The following ESRRB variants were observed in gnomAD, a reference collection of about 807,000 sequenced individuals.
The protein encoded by ESRRB is estrogen related receptor beta.
In ESRRB, 16 loss-of-function variants were observed where a neutral mutation model predicts 46.0. The observed-to-expected ratio is 0.35, with a 90% CI of 0.24 to 0.53. ESRRB has a LOEUF of 0.53. Among genes scored for constraint, ESRRB ranks in the 20% least tolerant of loss-of-function variants. The pLI is 0.93. For synonymous variants in ESRRB, 246 were observed against 259.6 expected (o/e 0.95, Z 0.50); for missense variants, 488 against 607.4 (o/e 0.80, Z 2.07).
chr14:76,431,525 G>A (rs1427835873), intron 1 of ESRRB, among the ~76,000 whole-genome samples: 4 of 152,168 alleles, frequency 2.6e-5, no homozygotes, highest in African/African-American at 9.7e-5. Context: ...GTGTCCCCTG[G>A]GGATCAGGCT....
At chr14:76,440,187 G>A (rs1488642233) in intron 2 of ESRRB, among the ~76,000 whole-genome samples, 2 of 152,154 alleles carry the variant, frequency 1.3e-5, no homozygotes, top group African/African-American at 4.8e-5. Context: ...CAAGTAAAAC[G>A]CCAGATGTGG....
chr14:76,401,272 G>A (rs560364128), intron 1 of ESRRB, among the ~76,000 whole-genome samples: 3 of 152,332 alleles, frequency 2.0e-5, no homozygotes, highest in East Asian at 1.9e-4. Context: ...AAGAGACCAT[G>A]ATGAATGGGG....
intron 1 of ESRRB, among the ~76,000 whole-genome samples, chr14:76,423,364 G>A (rs1887056917): frequency 6.6e-6 from 1 of 152,002 alleles, no homozygotes; most frequent in African/African-American, 2.4e-5. Context: ...GGCTGGTCTC[G>A]AACTTCTGAC....
At chr14:76,439,843 T>C in intron 2 of ESRRB, 93 bp downstream of exon 2, 2 of 1,394,422 alleles carry the variant, frequency 1.4e-6, no homozygotes, top group African/African-American at 1.4e-5. Context: ...TCCCAGAGAC[T>C]GCCAATTCTG....
At chr14:76,317,308 C>CTGTGTG (rs1491426391) in intron 1 of ESRRB, among the ~76,000 whole-genome samples, 9 of 125,148 alleles carry the variant, frequency 7.2e-5, no homozygotes, top group African/African-American at 2.9e-4. Context: ...GCTGATTAGG[C>CTGTGTG]TCTGTGTGTG....
chr14:76,439,806 T>C lies in ESRRB; in HGVS notation c.460+56T>C, dbSNP rs45507197. ...CAGGGTTGGGGGTGGCAGCCGTGCC[T>C]GCGGGTCTGGCAGAAGCCCTAGGAA... On this transcript the variant is annotated intron_variant, in intron 2 of 6. Transcript: ENST00000644823. 0.055 allele frequency: 86,525 copies of C among 1,583,118 alleles called. 3,544 individuals carry two copies. Among genetic ancestry groups the C allele is most frequent in the African/African-American group, 0.18 (13,554 of 74,328 alleles).
chr14:76,318,252 G>C (rs1883825373), intron 1 of ESRRB, among the ~76,000 whole-genome samples: 1 of 152,168 alleles, frequency 6.6e-6, no homozygotes, highest in African/African-American at 2.4e-5. Flanking sequence ...AGCAGAGTTG[G>C]AAGCGAGGAG....
chr14:76,437,181 G>A (rs1334503664), intron 1 of ESRRB, among the ~76,000 whole-genome samples: 6 of 152,046 alleles, frequency 3.9e-5, no homozygotes, highest in Non-Finnish European at 5.9e-5. Flanking sequence ...ACAGGCCGGC[G>A]CCACCATGCC....
Position 76,499,766 on chromosome 14 carries a change from G to A in ESRRB, c.*1308G>A. 9.5e-7 allele frequency: 1 copy of A among 1,057,194 alleles called. No homozygotes were observed. Among genetic ancestry groups the A allele is most frequent in the Non-Finnish European group, 1.5e-6 (1 of 673,946 alleles). 65.5% of individuals were successfully genotyped at this position (1,057,194 alleles called of 1,614,324 possible). Reference sequence around the variant, plus strand: ...TATCCCAGGAAACTCCTCTACCCCAGGCACACGGGGACAGTGGGTCACTCT... The same window carrying A: ...TATCCCAGGAAACTCCTCTACCCCAAGCACACGGGGACAGTGGGTCACTCT... On this transcript the variant is annotated 3_prime_UTR_variant, in exon 7 of 7. Coordinates refer to ENST00000644823, the MANE Select transcript of ESRRB (RefSeq NM_001379180.1).
intron 1 of ESRRB, among the ~76,000 whole-genome samples, chr14:76,377,768 C>T (rs1051038172): frequency 1.3e-5 from 2 of 152,010 alleles, no homozygotes; most frequent in African/African-American, 4.8e-5. Context: ...CATGGAGCAC[C>T]TCCACCACGG....
At position 76,348,810 on chromosome 14, in the gene ESRRB, A is replaced by T. The variant is rs533235004; in HGVS notation, c.2+37894A>T. Among the ~76,000 whole-genome samples the T allele has an allele frequency of 3.7e-4, 57 of 152,268 alleles. 1 individual carries two copies. In the South Asian group the frequency reaches 0.01, roughly 28 times the overall value. On this transcript the variant is annotated intron_variant, in intron 1 of 6. Coordinates refer to the ESRRB transcript ENST00000512784. ...GGGGACACTGCGCATAGTTACTGAT[A>T]TACCCCGTGTTGATGCAGGTGTTAA...
At chr14:76,404,528 A>T (rs1169139642) in intron 1 of ESRRB, 1 of 152,632 alleles carries the variant, frequency 6.6e-6, no homozygotes, top group African/African-American at 2.4e-5. Context: ...CTAATGTCCT[A>T]GAATTTACAC....
At position 76,500,098 on chromosome 14, in the gene ESRRB, T is replaced by A; in HGVS notation, c.*1640T>A. ...TTCTGCAGCTTTTCCATAGAAGCCC[T>A]GGTCCCACCTCCTTGGCTCTACCCC... On this transcript the variant is annotated 3_prime_UTR_variant, in exon 7 of 7. Coordinates refer to ENST00000644823, the MANE Select transcript of ESRRB (RefSeq NM_001379180.1). The A allele has an allele frequency of 6.5e-7, 1 of 1,527,988 alleles. No individual in the cohort carries two copies. The highest frequency in any genetic ancestry group is 8.9e-7 in the Non-Finnish European group (1 of 1,128,234). 94.7% of individuals were successfully genotyped at this position (1,527,988 alleles called of 1,614,324 possible).
Position 76,499,992 on chromosome 14 carries a change from C to A in ESRRB, c.*1534C>A, listed in dbSNP as rs754534352. On this transcript the variant is annotated 3_prime_UTR_variant, in exon 7 of 7. Transcript: ENST00000644823. ...CAACTCCCCGGGGATCCCCAATCCACGCCCTTCTAGTCCAACCCCCCTCAA... is the reference window on the plus strand; with the variant it reads ...CAACTCCCCGGGGATCCCCAATCCAAGCCCTTCTAGTCCAACCCCCCTCAA... 1 of 1,583,530 alleles carries A rather than the reference C, an allele frequency of 6.3e-7. No homozygotes were observed. Among genetic ancestry groups the A allele is most frequent in the Non-Finnish European group, 8.6e-7 (1 of 1,164,010 alleles).
chr14:76,344,933 G>C (rs1345074293), intron 1 of ESRRB, among the ~76,000 whole-genome samples: 2 of 151,960 alleles, frequency 1.3e-5, no homozygotes, highest in Non-Finnish European at 2.9e-5. Flanking sequence ...TGGCTGAGTA[G>C]TATTCCATCA....
Position 76,499,629 on chromosome 14 carries a change from T to G in ESRRB, c.*1171T>G. On this transcript the variant is annotated 3_prime_UTR_variant, in exon 7 of 7. Transcript: ENST00000644823. ...CTACCACACTTGGGCTACCAGAGGT[T>G]TGGTGTAGCTCCCCTGGGCACCGCG... is the stretch of plus-strand genomic sequence containing the variant. The G allele has an allele frequency of 5.1e-6, 3 of 583,570 alleles. No individual in the cohort carries two copies. Among genetic ancestry groups the G allele is most frequent in the Non-Finnish European group, 9.3e-6 (3 of 323,304 alleles). 36.1% of individuals were successfully genotyped at this position (583,570 alleles called of 1,614,324 possible). A position where few individuals can be genotyped will look rare whatever the true frequency, so the allele number is the denominator to read the frequency against.
chr14:76,388,216 T>C (rs1448889655), intron 1 of ESRRB, among the ~76,000 whole-genome samples: 1 of 148,984 alleles, frequency 6.7e-6, no homozygotes, highest in African/African-American at 2.5e-5. Context: ...TCTCACTCTG[T>C]GGCCCAGGCT....
In ESRRB at chr14:76,482,152, C is replaced by T. The variant is rs764034447; in HGVS notation, c.688+26C>T. On this transcript the variant is annotated intron_variant, in intron 4 of 6. Transcript: ENST00000644823. This position sits in a 1 kb window ranked among gnomAD's most constrained non-coding sequence, Gnocchi z 4.3. ...GTGAGTGTCAGGGCAGTCCCTGCCC[C>T]TTTTGCCAGCATCTGTACCTGGAAC... is the stretch of plus-strand genomic sequence containing the variant. 3.9e-6 allele frequency: 6 copies of T among 1,535,222 alleles called. No individual in the cohort carries two copies. The highest frequency in any genetic ancestry group is 1.7e-4 in the Middle Eastern group (1 of 5,930).
intron 1 of ESRRB, among the ~76,000 whole-genome samples, chr14:76,351,254 A>T (rs1884310255): frequency 6.6e-6 from 1 of 152,234 alleles, no homozygotes; most frequent in African/African-American, 2.4e-5. Context: ...TGAGTGGCTT[A>T]AAAATAAATA....
Sources: allele counts gnomAD v4.1 joint callset (sites outside exome capture counted in the v4.1 genomes callset), GRCh38; gene constraint gnomAD v4.1.1; non-coding constraint Gnocchi (gnomAD v3.1); transcripts MANE v1.5; gene names NCBI Gene and HGNC (gene_info 2026-07-23, HGNC 2026-07-21).